OPN4: variants seen among roughly 807,000 people sequenced by gnomAD.
The protein encoded by OPN4 is opsin 4, also known as melanopsin.
A neutral mutation model predicts 49.5 loss-of-function variants in OPN4; 43 were observed. That is an observed-to-expected ratio of 0.87 (90% CI 0.68 to 1.12). OPN4 has a LOEUF of 1.12. OPN4 is among the 50% of genes most tolerant of loss of function. The pLI, the probability that OPN4 is intolerant of heterozygous loss-of-function variation, is 0.00. For missense variants in OPN4, 657 were observed against 643.9 expected, an observed-to-expected ratio of 1.02 and a Z score of -0.22; for synonymous variants, 263 against 258.0, an observed-to-expected ratio of 1.02 and a Z score of -0.19.
Position 86,665,975 on chromosome 10 carries a change from C to G in OPN4, c.*224C>G. On this transcript the variant is annotated 3_prime_UTR_variant, in exon 10 of 10. Coordinates refer to ENST00000241891, the MANE Select transcript of OPN4 (RefSeq NM_033282.4). ...TCCACTTTCCAGCTCAGCAGCCGCACCCGAGGCTCAGCCTGAGGGGTATGT... is the reference window on the plus strand; with the variant it reads ...TCCACTTTCCAGCTCAGCAGCCGCAGCCGAGGCTCAGCCTGAGGGGTATGT... 1.8e-6 allele frequency: 1 copy of G among 568,162 alleles called. No homozygotes were observed. The highest frequency in any genetic ancestry group is 3.1e-6 in the Non-Finnish European group (1 of 321,078). The allele number at this position is 568,162 out of a possible 1,614,324, so 35.2% of individuals were successfully genotyped here. A position where few individuals can be genotyped will look rare whatever the true frequency, so the allele number is the denominator to read the frequency against.
intron 1 of OPN4, 142 bp from the exon 2 acceptor site, chr10:86,656,013 G>A: frequency 3.9e-6 from 4 of 1,028,956 alleles, no homozygotes; most frequent in African/African-American, 1.6e-5. Flanking sequence ...GGCCACTTGT[G>A]AGCTGTGTGT....
chr10:86,659,926 A>C lies in OPN4; in HGVS notation c.832A>C (p.Asn278His), dbSNP rs982617929. 4.3e-6 allele frequency: 7 copies of C among 1,614,094 alleles called. No individual in the cohort carries two copies. In the Admixed American group the frequency reaches 1.2e-4, roughly 27 times the overall value. ...CCAGACCTTCGGGGCCTGCAAGGGC[A>C]ATGGCGAGTCCCTGTGGCAGCGGCA... ...ALQTFGACKG[N>H]GESLWQRQRL... The change falls in exon 6 of 10, where the codon AAT becomes CAT. Residue 278 changes from asparagine (N) to histidine (H), a missense_variant. Transcript: ENST00000241891.
chr10:86,663,239 C>T (rs894861353), intron 8 of OPN4, among the ~76,000 whole-genome samples: 2 of 152,126 alleles, frequency 1.3e-5, no homozygotes, highest in African/African-American at 2.4e-5. Flanking sequence ...GACCGGCCAG[C>T]GATCTCCTCC....
intron 8 of OPN4, among the ~76,000 whole-genome samples, chr10:86,663,362 A>G (rs1844062611): frequency 6.6e-6 from 1 of 152,204 alleles, no homozygotes; most frequent in Non-Finnish European, 1.5e-5. Flanking sequence ...CTGTTATTGG[A>G]GGCCTAGACC....
At chr10:86,661,757 C>A (rs191883014) in intron 7 of OPN4, among the ~76,000 whole-genome samples, 41 of 149,086 alleles carry the variant, frequency 2.8e-4, no homozygotes, top group Non-Finnish European at 5.4e-4. Flanking sequence ...CAGCTCTGCT[C>A]CCAGGGCCTG....
At chr10:86,661,475 C>T (rs925685667) in intron 7 of OPN4, 87 bp downstream of exon 7, 9 of 973,438 alleles carry the variant, frequency 9.2e-6, no homozygotes, top group South Asian at 1.6e-5. Flanking sequence ...TTCTGTCTCT[C>T]GTGTGTGTGT....
chr10:86,656,234 C>A lies in OPN4; in HGVS notation c.224C>A (p.Thr75Lys), dbSNP rs1346713182. Residue 75 changes from threonine to lysine, a missense_variant, in exon 2 of 10, where the codon ACA becomes AAA. Physicochemically the swap from Thr to Lys is moderately conservative, Grantham distance 78. Transcript: ENST00000241891. Reference sequence around the variant, plus strand: ...GACCATGCCCACTATACCCTGGGCACAGTGATCTTGCTGGTGGGACTCACG... The same window carrying A: ...GACCATGCCCACTATACCCTGGGCAAAGTGATCTTGCTGGTGGGACTCACG... ...VPDHAHYTLG[T>K]VILLVGLTGM... The A allele has an allele frequency of 1.2e-5, 20 of 1,613,982 alleles. No individual in the cohort carries two copies. The highest frequency in any genetic ancestry group is 1.5e-5 in the Non-Finnish European group (18 of 1,179,926).
rs147387699 is a variant in OPN4 at position 86,665,886 on chromosome 10, C to G, written c.*135C>G. The G allele has an allele frequency of 2.8e-4, 202 of 713,448 alleles. 2 individuals carry two copies. The East Asian group carries it at 4.9e-3, about 17-fold the overall frequency. The allele number at this position is 713,448 out of a possible 1,614,324, so 44.2% of individuals were successfully genotyped here. ...CCTGTCACCCGTGCTGCACGGGATT[C>G]ACAGCCCCAGCCCCATGGCCCCTCT... On this transcript the variant is annotated 3_prime_UTR_variant, in exon 10 of 10. Transcript: ENST00000241891.
At chr10:86,659,658 T>C (rs548493576) in intron 5 of OPN4, among the ~76,000 whole-genome samples, 190 bp downstream of exon 5, 1 of 152,284 alleles carries the variant, frequency 6.6e-6, no homozygotes, top group East Asian at 1.9e-4. Flanking sequence ...TGGGGCGGGC[T>C]TTTCGGCATG....
chr10:86,659,964 C>T lies in OPN4; in HGVS notation c.870C>T (p.Ser290=), dbSNP rs200951347. The change falls in exon 6 of 10, where the codon AGC becomes AGT. Residue 290 remains serine (S), a synonymous_variant. Coordinates refer to ENST00000241891, the MANE Select transcript of OPN4 (RefSeq NM_033282.4). The part of the protein sequence containing the change: ...ESLWQRQRLQ[S]ECKMAKIMLL... ...TGTGGCAGCGGCAGCGGCTGCAGAG[C>T]GAGTGCAAGATGGCCAAGATCATGC... 4.3e-5 allele frequency: 70 copies of T among 1,614,194 alleles called. No homozygotes were observed. The East Asian group carries it at 1.2e-3, about 27-fold the overall frequency.
chr10:86,658,205 G>A, intron 3 of OPN4, 40 bp downstream of exon 3: 1 of 1,606,252 alleles, frequency 6.2e-7, no homozygotes, highest in South Asian at 1.1e-5. Flanking sequence ...GGAGGAGGAG[G>A]GTTTTGACCT....
intron 3 of OPN4, 36 bp from the exon 4 acceptor site, chr10:86,658,448 C>A: frequency 6.2e-7 from 1 of 1,605,606 alleles, no homozygotes; most frequent in South Asian, 1.1e-5. Flanking sequence ...CCCAGACCCT[C>A]CTCCCCAGGA....
chr10:86,657,968 G>A (rs1304102824), intron 2 of OPN4, 64 bp from the exon 3 acceptor site: 25 of 1,561,696 alleles, frequency 1.6e-5, no homozygotes, highest in Middle Eastern at 2.4e-4. Flanking sequence ...TGAGGGGTGC[G>A]GGAAGCTCTC....
Position 86,659,484 on chromosome 10 carries a change from G to A in OPN4, c.800+16G>A. 6.2e-7 allele frequency: 1 copy of A among 1,612,400 alleles called. No individual in the cohort carries two copies. The highest frequency in any genetic ancestry group is 2.2e-5 in the East Asian group (1 of 44,878). Reference sequence around the variant, plus strand: ...AGACAGGACGGTAAGAGCCGAGCATGGAGGGGGGCTACAGGAGGGGGACCG... The same window carrying A: ...AGACAGGACGGTAAGAGCCGAGCATAGAGGGGGGCTACAGGAGGGGGACCG... On this transcript the variant is annotated intron_variant, in intron 5 of 9. Transcript: ENST00000241891.
At chr10:86,660,857 T>C (rs1843986324) in intron 6 of OPN4, among the ~76,000 whole-genome samples, 1 of 152,256 alleles carries the variant, frequency 6.6e-6, no homozygotes, top group Admixed American at 6.5e-5. Flanking sequence ...CCAGGCATGG[T>C]GGCTCACGCC....
chr10:86,656,841 A>T (rs11202109), intron 2 of OPN4, among the ~76,000 whole-genome samples: 37,558 of 150,350 alleles, frequency 0.25, 5,434 homozygotes, highest in South Asian at 0.4. Flanking sequence ...GCTGCTTGGG[A>T]GGCTGAGGCA....
Position 86,666,019 on chromosome 10 carries a change from C to T in OPN4, c.*268C>T, listed in dbSNP as rs1229033486. The T allele has an allele frequency of 1.9e-5, 10 of 514,734 alleles. No homozygotes were observed. In the East Asian group the frequency reaches 3.3e-4, roughly 17 times the overall value. 31.9% of individuals were successfully genotyped at this position (514,734 alleles called of 1,614,324 possible). A position where few individuals can be genotyped will look rare whatever the true frequency, so the allele number is the denominator to read the frequency against. ...GGTATGTGCCCAGGCCCTCCCACTT[C>T]CCGAGTTGTCTGCCTCTCCTCAAAT... On this transcript the variant is annotated 3_prime_UTR_variant, in exon 10 of 10. Transcript: ENST00000241891.
In OPN4 at chr10:86,661,305, C is replaced by A. The variant is rs1844000207; in HGVS notation, c.990C>A (p.Tyr330Ter). Residue 330 changes from tyrosine (Y) to a stop codon, truncating the protein, a stop_gained, in exon 7 of 10, where the codon TAC becomes TAA. Coordinates refer to ENST00000241891, the MANE Select transcript of OPN4 (RefSeq NM_033282.4). LOFTEE classifies it high-confidence loss of function. ...GGTACGCACACGTCCTGACACCCTACATGAGCTCGGTGCCAGCCGTCATCG... is the reference window on the plus strand; with the variant it reads ...GGTACGCACACGTCCTGACACCCTAAATGAGCTCGGTGCCAGCCGTCATCG... ...FAGYAHVLTPYMSSVPAVIAK... is the reference protein window; with the variant it reads ...FAGYAHVLTP The A allele has an allele frequency of 1.2e-6, 2 of 1,613,962 alleles. No individual in the cohort carries two copies. The highest frequency in any genetic ancestry group is 1.7e-5 in the Admixed American group (1 of 60,002).
At position 86,660,900 on chromosome 10, in the gene OPN4, G is replaced by A. The variant is rs34671612; in HGVS notation, c.966-381G>A. Among the ~76,000 whole-genome samples, 1,273 of 152,358 alleles carry A rather than the reference G, an allele frequency of 8.4e-3. 20 individuals are homozygous for A. The highest frequency in any genetic ancestry group is 0.029 in the African/African-American group (1,212 of 41,576). ...CCAGCACTTTGGGAGGCCAAGGCAA[G>A]TGGATTACCTGAGGTCAGGAGTTCG... On this transcript the variant is annotated intron_variant, in intron 6 of 9. Coordinates refer to ENST00000241891, the MANE Select transcript of OPN4 (RefSeq NM_033282.4).
Sources: gnomAD v4.1 joint callset for allele counts (sites outside exome capture counted in the v4.1 genomes callset) on GRCh38, gnomAD v4.1.1 for gene constraint, MANE v1.5 for transcripts, NCBI Gene and HGNC (gene_info 2026-07-23, HGNC 2026-07-21) for gene names.